NEDD8: variants seen among roughly 807,000 people sequenced by gnomAD.
The protein encoded by NEDD8 is ubiquitin-like protein NEDD8.
Under a neutral mutation model 13.8 loss-of-function variants are expected in NEDD8, and 1 was observed. The ratio of observed to expected loss-of-function variants is 0.07; its 90% CI spans 0.03 to 0.34. NEDD8 has a LOEUF of 0.34. NEDD8 is among the 10% of genes least tolerant of loss of function. NEDD8 has a pLI of 0.99. For synonymous variants in NEDD8, 31 were observed against 33.2 expected (o/e 0.93, Z 0.23); for missense variants, 10 against 95.2 (o/e 0.10, Z 3.73).
chr14:24,232,163 G>A, intron 1 of NEDD8, 87 bp downstream of exon 1: 3 of 1,599,872 alleles, frequency 1.9e-6, no homozygotes, highest in Non-Finnish European at 2.6e-6. Flanking sequence ...CTAGGGAAAG[G>A]CGTGGTTTTC....
intron 2 of NEDD8, 24 bp downstream of exon 2, chr14:24,218,357 CATG>C (rs1566664268): frequency 1.2e-6 from 2 of 1,614,236 alleles, no homozygotes; most frequent in Non-Finnish European, 1.7e-6. Context: ...GCAAGAAGTA[CATG>C]AAGAGGAGTT....
In NEDD8 at chr14:24,232,294, G is replaced by A. The variant is rs767944508; in HGVS notation, c.-27C>T. On this transcript the variant is annotated 5_prime_UTR_variant, in exon 1 of 4. Transcript: ENST00000250495. ...TTCTTTCCAGTTTGGGGCTGCACAC[G>A]GATAAATTGCTGCTCCTACCGCTCC... The A allele has an allele frequency of 5.0e-6, 8 of 1,612,224 alleles. No homozygotes were observed. The South Asian group carries it at 5.5e-5, about 11-fold the overall frequency.
intron 1 of NEDD8, among the ~76,000 whole-genome samples, chr14:24,220,966 CCAA>C (rs1471339553): frequency 6.6e-6 from 1 of 152,116 alleles, no homozygotes; most frequent in Non-Finnish European, 1.5e-5. Context: ...AGAAAATTTC[CCAA>C]CAAGGAGAAT....
At chr14:24,219,443 G>C (rs1218738214) in intron 1 of NEDD8, among the ~76,000 whole-genome samples, 2 of 124,772 alleles carry the variant, frequency 1.6e-5, no homozygotes, top group African/African-American at 6.3e-5. Flanking sequence ...CCACGATTGT[G>C]CCACTGTACT....
chr14:24,218,005 A>C, intron 3 of NEDD8, 128 bp downstream of exon 3: 2 of 1,151,686 alleles, frequency 1.7e-6, no homozygotes, highest in Non-Finnish European at 2.5e-6. Flanking sequence ...TAGAGGCTTC[A>C]CCAGATTGCC....
At chr14:24,223,529 TAA>T (rs1465365476) in intron 1 of NEDD8, among the ~76,000 whole-genome samples, 2 of 152,160 alleles carry the variant, frequency 1.3e-5, no homozygotes, top group Admixed American at 1.3e-4. Flanking sequence ...TAAACATACT[TAA>T]AAGTTTTTTA....
intron 1 of NEDD8, among the ~76,000 whole-genome samples, chr14:24,224,435 A>G (rs1232529982): frequency 6.6e-6 from 1 of 152,172 alleles, no homozygotes; most frequent in Non-Finnish European, 1.5e-5. Flanking sequence ...GCCTCAAGTG[A>G]TCTTCCCACC....
rs375017092 is a variant in NEDD8 at position 24,232,303 on chromosome 14, G to A, written c.-36C>T. 1 of 1,610,006 alleles carries A rather than the reference G, an allele frequency of 6.2e-7. No individual in the cohort carries two copies. Among genetic ancestry groups the A allele is most frequent in the African/African-American group, 1.4e-5 (1 of 73,958 alleles). ...GTTTGGGGCTGCACACGGATAAATT[G>A]CTGCTCCTACCGCTCCGGTCGCCGC... On this transcript the variant is annotated 5_prime_UTR_variant, in exon 1 of 4. Coordinates refer to ENST00000250495, the MANE Select transcript of NEDD8 (RefSeq NM_006156.3).
At chr14:24,219,364 T>A (rs1340433171) in intron 1 of NEDD8, among the ~76,000 whole-genome samples, 1 of 148,678 alleles carries the variant, frequency 6.7e-6, no homozygotes. Context: ...ATGCCTGTAG[T>A]ACCAGCTATT....
intron 1 of NEDD8, chr14:24,231,555 G>A (rs1183522352): frequency 6.6e-6 from 1 of 151,684 alleles, no homozygotes; most frequent in Non-Finnish European, 1.5e-5. Context: ...TAGGACTAAC[G>A]AGGGCTGGAA....
intron 1 of NEDD8, among the ~76,000 whole-genome samples, chr14:24,223,256 G>A (rs933487128): frequency 9.9e-5 from 15 of 151,956 alleles, no homozygotes; most frequent in African/African-American, 3.4e-4. Flanking sequence ...AATTAGCCAG[G>A]CATAGTGGCA....
At chr14:24,224,566 C>T (rs540590448) in intron 1 of NEDD8, among the ~76,000 whole-genome samples, 9 of 152,314 alleles carry the variant, frequency 5.9e-5, no homozygotes, top group Non-Finnish European at 1.3e-4. Flanking sequence ...TCTCTAGTTA[C>T]ATTTCAAGTG....
intron 1 of NEDD8, chr14:24,227,588 A>T (rs549809679): frequency 6.6e-6 from 1 of 152,316 alleles, no homozygotes; most frequent in African/African-American, 2.4e-5. Flanking sequence ...ACGTAATTTT[A>T]AATGACTCTA....
intron 1 of NEDD8, among the ~76,000 whole-genome samples, chr14:24,231,489 G>T (rs1261473454): frequency 7.0e-6 from 1 of 143,066 alleles, no homozygotes; most frequent in Non-Finnish European, 1.5e-5. Flanking sequence ...TTTTTGAGGG[G>T]GGCGTGGGGG....
rs79323671 is a variant in NEDD8, at chr14:24,225,205, G to T, written c.19-6774C>A. Among the ~76,000 whole-genome samples the T allele has an allele frequency of 6.1e-3, 914 of 150,980 alleles. 11 individuals carry two copies. The highest frequency in any genetic ancestry group is 0.022 in the African/African-American group (889 of 41,212). On this transcript the variant is annotated intron_variant, in intron 1 of 3. Transcript: ENST00000250495. ...AAAAAAAGAAAAAAAGAAAAACATG[G>T]GAATGTAATCAGCAAAATTCAAACT...
At chr14:24,221,822 C>T (rs2039815081) in intron 1 of NEDD8, among the ~76,000 whole-genome samples, 1 of 152,002 alleles carries the variant, frequency 6.6e-6, no homozygotes, top group African/African-American at 2.4e-5. Flanking sequence ...TCTTGAACTC[C>T]CGACCTCAGG....
intron 1 of NEDD8, chr14:24,231,964 G>C (rs1038918434): frequency 4.6e-6 from 2 of 432,820 alleles, no homozygotes; most frequent in Admixed American, 4.2e-5. Flanking sequence ...GCGGGGGTTC[G>C]AATACAGTGA....
intron 3 of NEDD8, 69 bp downstream of exon 3, chr14:24,218,064 T>C: frequency 6.2e-7 from 1 of 1,600,242 alleles, no homozygotes; most frequent in Non-Finnish European, 8.5e-7. Context: ...TCCACCTCAG[T>C]ACGTGCCCCC....
chr14:24,217,368 C>T (rs1320931065), intron 3 of NEDD8, 145 bp from the exon 4 acceptor site: 2 of 638,532 alleles, frequency 3.1e-6, no homozygotes, highest in African/African-American at 3.7e-5. Context: ...CAGCTCACTG[C>T]AACTTCCACC....
Sources: allele counts gnomAD v4.1 joint callset (sites outside exome capture counted in the v4.1 genomes callset), GRCh38; gene constraint gnomAD v4.1.1; transcripts MANE v1.5; gene names NCBI Gene and HGNC (gene_info 2026-07-23, HGNC 2026-07-21).